The following CRACD variants were observed in gnomAD, a reference collection of about 807,000 sequenced individuals.
The protein encoded by CRACD is capping protein inhibiting regulator of actin dynamics, also known as capping protein-inhibiting regulator of actin dynamics.
Under a neutral mutation model 106.8 loss-of-function variants are expected in CRACD, and 56 were observed. The observed-to-expected ratio is 0.52, with a 90% confidence interval of 0.42 to 0.66. The LOEUF is 0.66. CRACD is among the 30% of genes least tolerant of loss of function. CRACD has a pLI of 0.00. For missense variants in CRACD, 1,730 were observed against 1,623.2 expected (o/e 1.07, Z -1.13); for synonymous variants, 754 against 670.8 (o/e 1.12, Z -1.92).
chr4:56,213,307 G>A lies in CRACD; in HGVS notation c.-189+33877G>A, dbSNP rs190126667. 6.8e-4 allele frequency among the ~76,000 whole-genome samples: 104 copies of A among 152,204 alleles called. 1 individual carries two copies. Among genetic ancestry groups the A allele is most frequent in the East Asian group, 3.1e-3 (16 of 5,166 alleles). ...ACTAAAAATACAAAATTAGCCAGTCGTAGTGGCGTATGCCTGTAATCCCAG... is the reference window on the plus strand; with the variant it reads ...ACTAAAAATACAAAATTAGCCAGTCATAGTGGCGTATGCCTGTAATCCCAG... On this transcript the variant is annotated intron_variant, in intron 2 of 10. Transcript: ENST00000682029.
At chr4:56,157,738 G>A (rs192464193) in intron 1 of CRACD, among the ~76,000 whole-genome samples, 1 of 152,242 alleles carries the variant, frequency 6.6e-6, no homozygotes, top group East Asian at 1.9e-4. Context: ...AGTGTTGTTC[G>A]AAGAATGCTC....
chr4:56,264,413 G>A (rs1226830626), intron 2 of CRACD, among the ~76,000 whole-genome samples: 1 of 152,146 alleles, frequency 6.6e-6, no homozygotes, highest in Non-Finnish European at 1.5e-5. Flanking sequence ...TTTTAGGCCT[G>A]CATTAGAAGC....
At chr4:56,129,705 A>T (rs116490332) in intron 1 of CRACD, among the ~76,000 whole-genome samples, 5,229 of 152,316 alleles carry the variant, frequency 0.034, 143 homozygotes, top group South Asian at 0.067. Context: ...CACTAGGGAT[A>T]CAAAGATGGA....
intron 1 of CRACD, among the ~76,000 whole-genome samples, chr4:56,090,238 C>T (rs771217206): frequency 6.2e-4 from 93 of 151,034 alleles, no homozygotes; most frequent in Admixed American, 1.3e-4. Context: ...AGATAATGAA[C>T]GTGAAGTACA....
Position 56,315,728 on chromosome 4 carries a change from T to G in CRACD, c.2226T>G (p.Ala742=), listed in dbSNP as rs771401267. The change falls in exon 8 of 11, where the codon GCT becomes GCG. Residue 742 remains alanine (A), a synonymous_variant. Transcript: ENST00000682029. This position sits in a 1 kb window ranked among gnomAD's most constrained non-coding sequence, Gnocchi z 4.1. ...GTETSKQSTE[A]ESIRKRPMLG... is the part of the protein sequence containing the mutation. ...AGACCTCCAAACAGAGCACGGAAGC[T>G]GAAAGCATACGAAAAAGACCCATGC... The G allele has an allele frequency of 1.2e-6, 2 of 1,614,156 alleles. No homozygotes were observed. Among genetic ancestry groups the G allele is most frequent in the Non-Finnish European group, 8.5e-7 (1 of 1,180,032 alleles).
At chr4:56,105,926 G>T (rs561104441) in intron 1 of CRACD, among the ~76,000 whole-genome samples, 10 of 147,350 alleles carry the variant, frequency 6.8e-5, no homozygotes, top group Non-Finnish European at 1.3e-4. Flanking sequence ...TTGAGAAATA[G>T]ATTTTTTTTT....
At chr4:56,272,819 A>G (rs1332892241) in intron 3 of CRACD, among the ~76,000 whole-genome samples, 2 of 151,726 alleles carry the variant, frequency 1.3e-5, no homozygotes, top group South Asian at 2.1e-4. Flanking sequence ...CACTTGCTTG[A>G]ACCCAGGAGG....
intron 5 of CRACD, chr4:56,308,809 A>G: frequency 7.8e-7 from 1 of 1,278,498 alleles, no homozygotes; most frequent in African/African-American, 1.5e-5. Context: ...AGGCAGAAGC[A>G]ACAGCCATCG....
chr4:56,140,536 A>AT (rs5858364), intron 1 of CRACD, among the ~76,000 whole-genome samples: 99,703 of 152,024 alleles, frequency 0.66, 33,196 homozygotes, highest in East Asian at 0.78. Flanking sequence ...TCCTTCTACT[A>AT]TGAATTTTTA....
chr4:56,289,787 C>T (rs750219280), intron 3 of CRACD, among the ~76,000 whole-genome samples: 3 of 151,970 alleles, frequency 2.0e-5, no homozygotes, highest in East Asian at 1.9e-4. Context: ...CCTTTCTTGT[C>T]GTGATCTAGC....
At chr4:56,180,785 A>C (rs1358651372) in intron 2 of CRACD, among the ~76,000 whole-genome samples, 2 of 152,192 alleles carry the variant, frequency 1.3e-5, no homozygotes, top group Non-Finnish European at 1.5e-5. Flanking sequence ...GCTTTGTAAG[A>C]TGCATGTTAC....
chr4:56,308,930 T>C (rs1279322767), intron 5 of CRACD: 3 of 1,287,664 alleles, frequency 2.3e-6, no homozygotes, highest in Non-Finnish European at 3.0e-6. Flanking sequence ...GCAGGCTCTG[T>C]CTCAGATATG....
intron 3 of CRACD, 139 bp from the exon 4 acceptor site, chr4:56,298,075 A>G: frequency 1.1e-6 from 1 of 897,722 alleles, no homozygotes; most frequent in Non-Finnish European, 1.7e-6. Flanking sequence ...CCCCCAGCAG[A>G]CAGGGACACA....
rs188221754 is a variant in CRACD, at chr4:56,092,762, C to T, written c.-336+43463C>T. Among the ~76,000 whole-genome samples, 8 of 152,016 alleles carry T rather than the reference C, an allele frequency of 5.3e-5. No individual in the cohort carries two copies. In the East Asian group the frequency reaches 9.7e-4, roughly 18 times the overall value. On this transcript the variant is annotated intron_variant, in intron 1 of 10. Coordinates refer to ENST00000682029, the MANE Select transcript of CRACD (RefSeq NM_001393381.1). ...GACTACAGAATGGCACTACCACACC[C>T]GGCTAATTTTTAAATTTTATTTTAT...
chr4:56,178,654 A>G (rs1474910433), intron 1 of CRACD, among the ~76,000 whole-genome samples: 1 of 152,190 alleles, frequency 6.6e-6, no homozygotes, highest in East Asian at 1.9e-4. Context: ...ATTTGGAGTG[A>G]CTTCATCTTG....
chr4:56,094,055 G>A (rs1733512749), intron 1 of CRACD, among the ~76,000 whole-genome samples: 2 of 152,142 alleles, frequency 1.3e-5, no homozygotes, highest in South Asian at 2.1e-4. Context: ...GGAAAGGTTC[G>A]CATCAATTTT....
intron 1 of CRACD, among the ~76,000 whole-genome samples, chr4:56,156,879 T>G (rs1735779366): frequency 6.6e-6 from 1 of 152,250 alleles, no homozygotes; most frequent in African/African-American, 2.4e-5. Context: ...TTTTAGAACC[T>G]TCTGCCTGTA....
At chr4:56,235,927 G>T (rs1160651105) in intron 2 of CRACD, among the ~76,000 whole-genome samples, 1 of 152,144 alleles carries the variant, frequency 6.6e-6, no homozygotes, top group African/African-American at 2.4e-5. Context: ...CCTACTGTGG[G>T]TGTGCCCTGC....
chr4:56,152,068 G>A (rs1053905979), intron 1 of CRACD, among the ~76,000 whole-genome samples: 13 of 149,778 alleles, frequency 8.7e-5, no homozygotes, highest in Non-Finnish European at 1.8e-4. Flanking sequence ...GGAGTGCGGT[G>A]GTGCGGTCTC....
Sources: allele counts gnomAD v4.1 joint callset (sites outside exome capture counted in the v4.1 genomes callset), GRCh38; gene constraint gnomAD v4.1.1; non-coding constraint Gnocchi (gnomAD v3.1); transcripts MANE v1.5; gene names NCBI Gene and HGNC (gene_info 2026-07-23, HGNC 2026-07-21).